Variants in ADAMTSL3 observed in about 807,000 individuals in gnomAD.
ADAMTSL3 encodes ADAMTS-like protein 3.
ADAMTSL3 carries 128 observed loss-of-function variants against 201.7 expected under a neutral mutation model. That is an observed-to-expected ratio of 0.63 (90% CI 0.55 to 0.73). ADAMTSL3 has a LOEUF of 0.73. ADAMTSL3 is among the 30% of genes least tolerant of loss of function. The probability of loss-of-function intolerance (pLI) is 0.00; values close to 1 mark genes in which losing one functional copy is unlikely to be tolerated. For synonymous variants in ADAMTSL3, 738 were observed against 748.4 expected (o/e 0.99, Z 0.23); for missense variants, 1,990 against 2,119.6 (o/e 0.94, Z 1.20).
At chr15:84,002,316 A>G (rs1336676993) in intron 23 of ADAMTSL3, among the ~76,000 whole-genome samples, 1 of 152,184 alleles carries the variant, frequency 6.6e-6, no homozygotes, top group Non-Finnish European at 1.5e-5. Context: ...CATGTCTTGA[A>G]GCATTCAAGT....
At chr15:83,822,478 C>T (rs1419432121) in intron 6 of ADAMTSL3, among the ~76,000 whole-genome samples, 5 of 129,236 alleles carry the variant, frequency 3.9e-5, no homozygotes, top group Non-Finnish European at 8.0e-5. Flanking sequence ...ACTTCTCAGA[C>T]GGGGCGGCCG....
At chr15:84,021,192 A>G (rs376065418) in intron 25 of ADAMTSL3, among the ~76,000 whole-genome samples, 100 of 152,306 alleles carry the variant, frequency 6.6e-4, no homozygotes, top group African/African-American at 2.1e-3. Flanking sequence ...CTGTGGTCCA[A>G]GGACCCCATT....
At chr15:83,682,810 T>G (rs2061492705) in intron 2 of ADAMTSL3, among the ~76,000 whole-genome samples, 1 of 152,246 alleles carries the variant, frequency 6.6e-6, no homozygotes, top group African/African-American at 2.4e-5. Context: ...TTTGCTTTCT[T>G]AGAAGTGAGC....
chr15:83,903,920 A>AGGAAGGAAGGAAGGGAGGGAGGGAGGG (rs1329970127), intron 15 of ADAMTSL3, among the ~76,000 whole-genome samples: 2 of 58,806 alleles, frequency 3.4e-5, no homozygotes, highest in Non-Finnish European at 6.0e-5. Flanking sequence ...TCCACATCAA[A>AGGAAGGAAGGAAGGGAGGGAGGGAGGG]AAAAAAAAAA....
At chr15:83,939,506 C>CT (rs1411964995) in intron 17 of ADAMTSL3, among the ~76,000 whole-genome samples, 2 of 151,968 alleles carry the variant, frequency 1.3e-5, no homozygotes, top group East Asian at 1.9e-4. Flanking sequence ...ACTTATTGTA[C>CT]TTTTTTTATG....
At chr15:83,805,655 G>C (rs992700974) in intron 5 of ADAMTSL3, among the ~76,000 whole-genome samples, 4 of 152,022 alleles carry the variant, frequency 2.6e-5, no homozygotes, top group African/African-American at 9.7e-5. Context: ...TTATCAGTAA[G>C]AGGCTAACTA....
chr15:83,847,796 C>T (rs867127989), intron 7 of ADAMTSL3, among the ~76,000 whole-genome samples: 2 of 151,736 alleles, frequency 1.3e-5, no homozygotes, highest in East Asian at 1.9e-4. Flanking sequence ...TGCCCTGCCT[C>T]GGTAACTCTT....
Position 84,036,796 on chromosome 15 carries a change from C to T in ADAMTSL3, c.4778C>T (p.Thr1593Ile), listed in dbSNP as rs2068515669. The T allele has an allele frequency of 6.2e-7, 1 of 1,613,030 alleles. No homozygotes were observed. The highest frequency in any genetic ancestry group is 8.5e-7 in the Non-Finnish European group (1 of 1,179,250). Residue 1593 changes from threonine (T) to isoleucine (I), a missense_variant, in exon 29 of 30, where the codon ACA becomes ATA. By Grantham distance (89) the Thr-to-Ile change is moderately conservative. Transcript: ENST00000286744. ...RKRPTLRRNCTSGACDVCWHT... is the reference protein window; with the variant it reads ...RKRPTLRRNCISGACDVCWHT... Reference sequence around the variant, plus strand: ...AGACCCACCTTAAGAAGGAACTGCACATCAGGGGCCTGTGATGTGTGTTGG... The same window carrying T: ...AGACCCACCTTAAGAAGGAACTGCATATCAGGGGCCTGTGATGTGTGTTGG...
intron 15 of ADAMTSL3, among the ~76,000 whole-genome samples, chr15:83,909,321 C>G (rs1423242755): frequency 6.6e-6 from 1 of 152,132 alleles, no homozygotes; most frequent in Admixed American, 6.5e-5. Flanking sequence ...AGCCATTATT[C>G]TGCCTACAAT....
intron 5 of ADAMTSL3, among the ~76,000 whole-genome samples, chr15:83,808,169 G>A (rs1025874978): frequency 4.6e-5 from 7 of 152,012 alleles, no homozygotes; most frequent in South Asian, 2.1e-4. Context: ...TACGTACATC[G>A]AAGGAAACAA....
chr15:83,983,433 C>A, intron 21 of ADAMTSL3, 89 bp downstream of exon 21: 2 of 992,662 alleles, frequency 2.0e-6, no homozygotes, highest in Non-Finnish European at 2.9e-6. Flanking sequence ...AAATTCCTCT[C>A]CTAAGCATGT....
intron 8 of ADAMTSL3, among the ~76,000 whole-genome samples, chr15:83,867,288 G>T (rs1436433504): frequency 6.6e-6 from 1 of 152,124 alleles, no homozygotes; most frequent in Non-Finnish European, 1.5e-5. Flanking sequence ...CTTACATACT[G>T]CCTAGAGGTG....
rs547616504 is a variant in ADAMTSL3 at position 83,939,571 on chromosome 15, T to G, written c.2118-3025T>G. Among the ~76,000 whole-genome samples the G allele has an allele frequency of 1.2e-4, 19 of 152,228 alleles. No individual in the cohort carries two copies. In the South Asian group the frequency reaches 3.9e-3, roughly 32 times the overall value. ...TTATAATGTGTGCCTTCTCTCTTTT[T>G]TCTCCATATTTTATCAATAATTTAT... On this transcript the variant is annotated intron_variant, in intron 17 of 29. Transcript: ENST00000286744.
At chr15:83,897,248 C>T (rs2065634473) in intron 13 of ADAMTSL3, among the ~76,000 whole-genome samples, 1 of 152,064 alleles carries the variant, frequency 6.6e-6, no homozygotes, top group Admixed American at 6.5e-5. Flanking sequence ...ACACAAACTT[C>T]ACAAAAATTC....
chr15:83,700,823 T>C (rs182962889), intron 2 of ADAMTSL3, among the ~76,000 whole-genome samples: 19 of 152,246 alleles, frequency 1.2e-4, no homozygotes, highest in Admixed American at 1.0e-3. Flanking sequence ...CAATTAGCAA[T>C]AGTGGTGCTA....
intron 19 of ADAMTSL3, among the ~76,000 whole-genome samples, chr15:83,948,395 T>C (rs1442817128): frequency 2.2e-5 from 3 of 139,362 alleles, no homozygotes; most frequent in African/African-American, 8.2e-5. Context: ...AGCACACAAG[T>C]GCACAAAAGC....
chr15:83,774,760 A>C (rs2063042940), intron 4 of ADAMTSL3, among the ~76,000 whole-genome samples: 1 of 152,066 alleles, frequency 6.6e-6, no homozygotes. Context: ...TGTGTAGAAG[A>C]ATGATGGGGT....
intron 6 of ADAMTSL3, among the ~76,000 whole-genome samples, chr15:83,823,622 T>C (rs185922616): frequency 1.3e-5 from 2 of 152,342 alleles, no homozygotes; most frequent in Non-Finnish European, 2.9e-5. Flanking sequence ...TAAGTCCTTA[T>C]TAGCTAATCT....
At chr15:83,809,632 A>G (rs2063660073) in intron 5 of ADAMTSL3, among the ~76,000 whole-genome samples, 2 of 152,122 alleles carry the variant, frequency 1.3e-5, no homozygotes, top group African/African-American at 4.8e-5. Context: ...TTTACTGACT[A>G]TGTGTCGGCC....
Sources: allele counts gnomAD v4.1 joint callset (sites outside exome capture counted in the v4.1 genomes callset), GRCh38; gene constraint gnomAD v4.1.1; transcripts MANE v1.5; gene names NCBI Gene and HGNC (gene_info 2026-07-23, HGNC 2026-07-21).